The following SIL1 variants were observed in gnomAD, a reference collection of about 807,000 sequenced individuals.
The protein encoded by SIL1 is nucleotide exchange factor SIL1.
Under a neutral mutation model 49.1 loss-of-function variants are expected in SIL1, and 40 were observed. That is an observed-to-expected ratio of 0.81 (90% CI 0.63 to 1.06). The LOEUF (loss-of-function observed/expected upper bound fraction) is 1.06. SIL1 is among the 50% of genes least tolerant of loss of function. SIL1 has a pLI of 0.00. For synonymous variants in SIL1, 253 were observed against 250.8 expected (o/e 1.01, Z -0.08); for missense variants, 500 against 572.6 (o/e 0.87, Z 1.29).
chr5:139,161,504 C>T (rs1033267421), intron 1 of SIL1, among the ~76,000 whole-genome samples: 2 of 152,172 alleles, frequency 1.3e-5, no homozygotes, highest in Non-Finnish European at 2.9e-5. Flanking sequence ...GTTCTCAACA[C>T]ACAAAGAATT....
rs989891211 is a variant in SIL1, at chr5:139,152,584, A to G, written c.-10-24731T>C. On this transcript the variant is annotated intron_variant, in intron 1 of 9. Coordinates refer to ENST00000394817, the MANE Select transcript of SIL1 (RefSeq NM_022464.5). ...TGCAGTGAGCCGAGATCATGCCACT[A>G]CACTCCAGCCTGGGTGATAGAGTGA... Among the ~76,000 whole-genome samples, 54 of 150,676 alleles carry G rather than the reference A, an allele frequency of 3.6e-4. 1 individual carries two copies. The highest frequency in any genetic ancestry group is 2.7e-4 in the Admixed American group (4 of 15,086).
chr5:138,982,375 ATC>A (rs1767546554), intron 7 of SIL1, among the ~76,000 whole-genome samples: 1 of 152,258 alleles, frequency 6.6e-6, no homozygotes, highest in Non-Finnish European at 1.5e-5. Context: ...GGTGGGCAGC[ATC>A]TGCCCCTCCC....
At chr5:139,112,774 G>T (rs1351251265) in intron 3 of SIL1, among the ~76,000 whole-genome samples, 1 of 152,168 alleles carries the variant, frequency 6.6e-6, no homozygotes, top group South Asian at 2.1e-4. Context: ...CCCTCTGCCC[G>T]GCCACCACCC....
chr5:139,074,965 C>T (rs1039031013), intron 3 of SIL1, among the ~76,000 whole-genome samples: 1 of 152,184 alleles, frequency 6.6e-6, no homozygotes, highest in Non-Finnish European at 1.5e-5. Flanking sequence ...GCTGGGATTA[C>T]AGGCACATGC....
chr5:139,188,478 T>C (rs149136048), intron 1 of SIL1, among the ~76,000 whole-genome samples: 183 of 152,332 alleles, frequency 1.2e-3, no homozygotes, highest in African/African-American at 4.1e-3. Flanking sequence ...TCTATAGTCA[T>C]AGTGCTTGGA....
chr5:138,993,339 T>C (rs1320653369), intron 7 of SIL1, among the ~76,000 whole-genome samples: 1 of 152,180 alleles, frequency 6.6e-6, no homozygotes, highest in Non-Finnish European at 1.5e-5. Context: ...CTACCCACAA[T>C]ACAGTTGCCA....
chr5:139,007,408 A>C (rs944483778), intron 7 of SIL1, among the ~76,000 whole-genome samples: 1 of 132,948 alleles, frequency 7.5e-6, no homozygotes, highest in African/African-American at 3.2e-5. Flanking sequence ...GTCTGCAAAC[A>C]GGGACAATTT....
At chr5:139,114,618 A>T (rs1279778473) in intron 3 of SIL1, among the ~76,000 whole-genome samples, 4 of 152,204 alleles carry the variant, frequency 2.6e-5, no homozygotes, top group Non-Finnish European at 5.9e-5. Flanking sequence ...AGGGACCAGA[A>T]GTATAGGTAG....
intron 7 of SIL1, among the ~76,000 whole-genome samples, chr5:138,972,736 C>A (rs967074480): frequency 1.3e-5 from 2 of 152,194 alleles, no homozygotes; most frequent in African/African-American, 2.4e-5. Context: ...AGCAACTAAC[C>A]TTTTTCTTCC....
chr5:139,160,593 G>A (rs913000296), intron 1 of SIL1, among the ~76,000 whole-genome samples: 5 of 152,128 alleles, frequency 3.3e-5, no homozygotes, highest in Admixed American at 3.3e-4. Context: ...AATCCCAGCA[G>A]TTTGGGAGGC....
intron 1 of SIL1, chr5:139,155,448 T>TGAGAGAGAGAAAGAGAGAGAGAGAGAGA (rs1751387229): frequency 7.9e-6 from 1 of 125,910 alleles, no homozygotes; most frequent in Non-Finnish European, 1.8e-5. Flanking sequence ...GTACACAGAG[T>TGAGAGAGAGAAAGAGAGAGAGAGAGAGA]GAGAGAGAGA....
At chr5:138,970,791 A>C (rs886403568) in intron 7 of SIL1, among the ~76,000 whole-genome samples, 4 of 152,190 alleles carry the variant, frequency 2.6e-5, no homozygotes, top group African/African-American at 9.6e-5. Context: ...AGTCCCAGCT[A>C]CTAGGGAGGC....
chr5:139,169,824 C>G (rs915049851), intron 1 of SIL1, among the ~76,000 whole-genome samples: 6 of 144,514 alleles, frequency 4.2e-5, no homozygotes, highest in Admixed American at 6.8e-5. Flanking sequence ...TACTCCCTCT[C>G]CCCTCTCCCC....
At chr5:138,986,500 G>A (rs76864014) in intron 7 of SIL1, among the ~76,000 whole-genome samples, 1,721 of 152,324 alleles carry the variant, frequency 0.011, 41 homozygotes, top group African/African-American at 0.039. Context: ...ACCGTCTGGT[G>A]CATACATCCA....
At chr5:139,028,406 G>T (rs1768710215) in intron 5 of SIL1, among the ~76,000 whole-genome samples, 1 of 152,154 alleles carries the variant, frequency 6.6e-6, no homozygotes, top group Non-Finnish European at 1.5e-5. Flanking sequence ...GCTGAGGCAG[G>T]AGAATCGCTT....
intron 4 of SIL1, among the ~76,000 whole-genome samples, chr5:139,043,284 A>G (rs761988490): frequency 6.6e-6 from 1 of 152,242 alleles, no homozygotes; most frequent in Non-Finnish European, 1.5e-5. Context: ...TAAGCCTGGC[A>G]TAACTGTGCA....
chr5:139,023,991 G>A (rs576470558), intron 6 of SIL1, among the ~76,000 whole-genome samples: 23 of 152,316 alleles, frequency 1.5e-4, no homozygotes, highest in African/African-American at 5.5e-4. Flanking sequence ...AAGCAGAATG[G>A]GGATGTCACC....
chr5:139,027,333 A>G (rs914974066), intron 5 of SIL1, among the ~76,000 whole-genome samples: 2 of 152,242 alleles, frequency 1.3e-5, no homozygotes, highest in African/African-American at 4.8e-5. Context: ...CTCAAACCAC[A>G]TATGAAACAG....
chr5:138,975,175 C>G (rs1408010607), intron 7 of SIL1, among the ~76,000 whole-genome samples: 1 of 152,200 alleles, frequency 6.6e-6, no homozygotes, highest in Non-Finnish European at 1.5e-5. Context: ...GCTCCCTCCT[C>G]TGAAGGTTGG....
Sources: gnomAD v4.1 joint callset for allele counts (sites outside exome capture counted in the v4.1 genomes callset) on GRCh38, gnomAD v4.1.1 for gene constraint, MANE v1.5 for transcripts, NCBI Gene and HGNC (gene_info 2026-07-23, HGNC 2026-07-21) for gene names.